Variants in CNTN1 observed in about 807,000 individuals in gnomAD.
CNTN1 encodes contactin 1, also known as contactin-1.
In CNTN1, 38 loss-of-function variants were observed where a neutral mutation model predicts 126.4. The observed-to-expected ratio is 0.30, with a 90% CI of 0.23 to 0.39. The LOEUF (loss-of-function observed/expected upper bound fraction) is 0.39, where lower values mean the gene tolerates loss of function less well. Among genes scored for constraint, CNTN1 ranks in the 10% least tolerant of loss-of-function variants. The pLI, the probability that CNTN1 is intolerant of heterozygous loss-of-function variation, is 1.00. For missense variants in CNTN1, 1,009 were observed against 1,248.4 expected (o/e 0.81, Z 2.89); for synonymous variants, 413 against 422.6 (o/e 0.98, Z 0.28).
At position 40,972,356 on chromosome 12, in the gene CNTN1, T is replaced by G. The variant is rs112174790; in HGVS notation, c.1805-8553T>G. On this transcript the variant is annotated intron_variant, in intron 15 of 23. Coordinates refer to ENST00000551295, the MANE Select transcript of CNTN1 (RefSeq NM_001843.4). ...TTAAATGTTATTGTTTGAAAATACCTTCACTTTCCCCCTTTGGTCAAAGAG... is the reference window on the plus strand; with the variant it reads ...TTAAATGTTATTGTTTGAAAATACCGTCACTTTCCCCCTTTGGTCAAAGAG... 597 of 984,528 alleles carry G rather than the reference T, an allele frequency of 6.1e-4. 3 individuals are homozygous for G. In the African/African-American group the frequency reaches 9.9e-3, roughly 16 times the overall value. The allele number at this position is 984,528 out of a possible 1,614,324, so 61.0% of individuals were successfully genotyped here.
chr12:40,831,188 A>G (rs1941828035), intron 1 of CNTN1, among the ~76,000 whole-genome samples: 1 of 147,890 alleles, frequency 6.8e-6, no homozygotes, highest in African/African-American at 2.5e-5. Context: ...ATATTTACTT[A>G]TAGTATATAC....
intron 17 of CNTN1, among the ~76,000 whole-genome samples, chr12:40,996,682 A>T (rs1468778363): frequency 6.6e-6 from 1 of 152,188 alleles, no homozygotes; most frequent in Non-Finnish European, 1.5e-5. Context: ...TAGAAGAAAG[A>T]TCATATAATT....
In CNTN1 at chr12:41,019,040, C is replaced by T. The variant is rs184658454; in HGVS notation, c.2420-1297C>T. On this transcript the variant is annotated intron_variant, in intron 19 of 23. Coordinates refer to ENST00000551295, the MANE Select transcript of CNTN1 (RefSeq NM_001843.4). ...GTGTTGTGGCACAAGCCTGTAATCT[C>T]AGCTACTCAGGAGGCTGAGGCAGGA... 5.4e-4 allele frequency among the ~76,000 whole-genome samples: 82 copies of T among 152,288 alleles called. 1 individual carries two copies. The Middle Eastern group carries it at 0.01, about 19-fold the overall frequency.
chr12:40,802,228 C>T (rs925880962), intron 1 of CNTN1, among the ~76,000 whole-genome samples: 2 of 151,884 alleles, frequency 1.3e-5, no homozygotes, highest in East Asian at 3.9e-4. Context: ...TCAGTATATA[C>T]ATATTCTATA....
chr12:41,042,963 C>T (rs1432461650), intron 23 of CNTN1, among the ~76,000 whole-genome samples: 3 of 152,322 alleles, frequency 2.0e-5, no homozygotes, highest in African/African-American at 7.2e-5. Context: ...AAAGCTGAAA[C>T]TGGATCCCTT....
rs1398047761 is a variant in CNTN1 at position 40,799,129 on chromosome 12, GA to G, written c.-77+106541del. 2.6e-5 allele frequency among the ~76,000 whole-genome samples: 4 copies of G among 151,300 alleles called. No homozygotes were observed. In the South Asian group the frequency reaches 8.3e-4, roughly 31 times the overall value. On this transcript the variant is annotated intron_variant, in intron 1 of 23. Coordinates refer to ENST00000551295, the MANE Select transcript of CNTN1 (RefSeq NM_001843.4). The stretch of plus-strand genomic sequence containing the variant: ...TTGATAAATCATGGAAAATATATAG[GA>G]AAATACCAGTCACAAATAAATCTCA...
intron 1 of CNTN1, among the ~76,000 whole-genome samples, chr12:40,800,235 C>T (rs1217863704): frequency 6.6e-6 from 1 of 151,908 alleles, no homozygotes; most frequent in African/African-American, 2.4e-5. Context: ...CTTGCAATCA[C>T]TCCATCCTGC....
intron 23 of CNTN1, among the ~76,000 whole-genome samples, chr12:41,045,240 A>T (rs1161134710): frequency 6.6e-6 from 1 of 152,126 alleles, no homozygotes; most frequent in African/African-American, 2.4e-5. Flanking sequence ...GTTAATTAAA[A>T]CAATCAGATT....
intron 16 of CNTN1, 33 bp from the exon 17 acceptor site, chr12:40,993,087 C>G: frequency 6.3e-7 from 1 of 1,583,050 alleles, no homozygotes; most frequent in Non-Finnish European, 8.7e-7. Context: ...GTTAATCAAC[C>G]TGTATTCTCT....
intron 1 of CNTN1, among the ~76,000 whole-genome samples, chr12:40,838,578 C>A (rs1259222862): frequency 6.6e-6 from 1 of 152,206 alleles, no homozygotes; most frequent in Middle Eastern, 3.2e-3. Context: ...GGCCTGAACA[C>A]TGGCCCACCT....
chr12:41,031,425 T>C (rs1310533474), intron 23 of CNTN1, among the ~76,000 whole-genome samples: 1 of 152,190 alleles, frequency 6.6e-6, no homozygotes, highest in Non-Finnish European at 1.5e-5. Flanking sequence ...TATAATATAG[T>C]AAAATATTAA....
intron 16 of CNTN1, 73 bp downstream of exon 16, chr12:40,981,140 A>G (rs1419804524): frequency 6.6e-7 from 1 of 1,512,202 alleles, no homozygotes; most frequent in Non-Finnish European, 9.1e-7. Context: ...AAAAATTTGG[A>G]GGTTTTAAAA....
chr12:40,797,807 C>T (rs7979040), intron 1 of CNTN1, among the ~76,000 whole-genome samples: 2,091 of 151,966 alleles, frequency 0.014, 57 homozygotes, highest in African/African-American at 0.047. Flanking sequence ...AAACAAGGTG[C>T]TAGTGTCCAT....
At chr12:41,044,195 A>G (rs1440426706) in intron 23 of CNTN1, among the ~76,000 whole-genome samples, 4 of 151,966 alleles carry the variant, frequency 2.6e-5, no homozygotes, top group African/African-American at 9.7e-5. Context: ...TCAGAGAAAG[A>G]GTAATGGAAA....
intron 1 of CNTN1, among the ~76,000 whole-genome samples, chr12:40,732,245 TC>T (rs1370392360): frequency 4.6e-5 from 7 of 152,032 alleles, no homozygotes. Context: ...ATGTCTATTT[TC>T]TAGCTATCTT....
At chr12:40,890,930 C>T (rs1944218513) in intron 1 of CNTN1, among the ~76,000 whole-genome samples, 1 of 152,170 alleles carries the variant, frequency 6.6e-6, no homozygotes. Context: ...AAACTGTCTT[C>T]CCAAGTGGCT....
intron 1 of CNTN1, among the ~76,000 whole-genome samples, chr12:40,843,743 C>G (rs12305136): frequency 6.6e-6 from 1 of 152,122 alleles, no homozygotes; most frequent in African/African-American, 2.4e-5. Context: ...AAGCAAGGAT[C>G]TAGACCAAAA....
At chr12:41,053,380 T>A (rs1470955360) in intron 23 of CNTN1, among the ~76,000 whole-genome samples, 1 of 137,870 alleles carries the variant, frequency 7.3e-6, no homozygotes, top group Non-Finnish European at 1.5e-5. Context: ...GAAAAAGTAG[T>A]TCACAGACAA....
chr12:40,861,035 A>G (rs776036502), intron 1 of CNTN1, among the ~76,000 whole-genome samples: 11 of 152,174 alleles, frequency 7.2e-5, no homozygotes, highest in Non-Finnish European at 1.5e-4. Flanking sequence ...CCAAATATCT[A>G]TGTTACCACT....
Sources: allele counts gnomAD v4.1 joint callset (sites outside exome capture counted in the v4.1 genomes callset), GRCh38; gene constraint gnomAD v4.1.1; transcripts MANE v1.5; gene names NCBI Gene and HGNC (gene_info 2026-07-23, HGNC 2026-07-21).